Variants in NKAIN3 observed in about 807,000 individuals in gnomAD.
The protein encoded by NKAIN3 is sodium/potassium-transporting ATPase subunit beta-1-interacting protein 3.
A neutral mutation model predicts 30.2 loss-of-function variants in NKAIN3; 25 were observed. The ratio of observed to expected loss-of-function variants is 0.83; its 90% CI spans 0.60 to 1.16. The LOEUF (loss-of-function observed/expected upper bound fraction) is 1.16. Among genes scored for constraint, NKAIN3 ranks in the 50% most tolerant of loss-of-function variants. NKAIN3 has a pLI of 0.00. For synonymous variants in NKAIN3, 91 were observed against 89.6 expected (o/e 1.02, Z -0.09); for missense variants, 225 against 254.1 (o/e 0.89, Z 0.78).
At chr8:62,301,016 A>G (rs933913007) in intron 1 of NKAIN3, among the ~76,000 whole-genome samples, 3 of 152,146 alleles carry the variant, frequency 2.0e-5, no homozygotes, top group Non-Finnish European at 4.4e-5. Flanking sequence ...ACAGAAGACT[A>G]TCAAATCTTC....
At chr8:62,415,469 T>C (rs1421747023) in intron 1 of NKAIN3, among the ~76,000 whole-genome samples, 1 of 149,830 alleles carries the variant, frequency 6.7e-6, no homozygotes, top group African/African-American at 2.4e-5. Flanking sequence ...GCTGAGCATC[T>C]TGGCTTGCCA....
intron 4 of NKAIN3, among the ~76,000 whole-genome samples, chr8:62,871,578 A>G (rs1820647798): frequency 6.6e-6 from 1 of 152,230 alleles, no homozygotes; most frequent in Non-Finnish European, 1.5e-5. Flanking sequence ...TCCAGAACTT[A>G]TTCATTTTAT....
In NKAIN3 at chr8:62,981,845, T is replaced by C. The variant is rs1008073167; in HGVS notation, c.*16438T>C. ...TACATGTACCCTAAAACTTAAAGTA[T>C]AGTAAAAAAAAGAAAAGAAAGAAAA... On this transcript the variant is annotated 3_prime_UTR_variant, in exon 7 of 7. Coordinates refer to ENST00000623646, the MANE Select transcript of NKAIN3 (RefSeq NM_001304533.3). 2.0e-5 allele frequency: 3 copies of C among 151,386 alleles called. No individual in the cohort carries two copies. The highest frequency in any genetic ancestry group is 2.9e-5 in the Non-Finnish European group (2 of 67,894). The allele number at this position is 151,386 out of a possible 1,614,324, so 9.4% of individuals were successfully genotyped here. A position where few individuals can be genotyped will look rare whatever the true frequency, so the allele number is the denominator to read the frequency against.
chr8:62,308,384 G>T (rs1473618630), intron 1 of NKAIN3, among the ~76,000 whole-genome samples: 2 of 150,332 alleles, frequency 1.3e-5, no homozygotes, highest in Admixed American at 1.3e-4. Context: ...TAAGACAGCT[G>T]ATGGGGGACT....
At chr8:62,434,270 A>T (rs573041272) in intron 1 of NKAIN3, among the ~76,000 whole-genome samples, 59 of 152,116 alleles carry the variant, frequency 3.9e-4, no homozygotes, top group Non-Finnish European at 7.2e-4. Context: ...GCATTTAGAC[A>T]CTGCTGCCAT....
intron 1 of NKAIN3, among the ~76,000 whole-genome samples, chr8:62,492,838 A>G (rs1237360875): frequency 6.6e-6 from 1 of 152,028 alleles, no homozygotes; most frequent in Non-Finnish European, 1.5e-5. Context: ...GAATTGTCAC[A>G]TTTCTTTCCA....
intron 3 of NKAIN3, among the ~76,000 whole-genome samples, chr8:62,737,367 CT>C (rs1815708824): frequency 6.6e-6 from 1 of 152,200 alleles, no homozygotes; most frequent in Non-Finnish European, 1.5e-5. Flanking sequence ...TCTCATATCA[CT>C]TTTACAATAA....
At chr8:62,925,914 C>G (rs534720840) in intron 5 of NKAIN3, among the ~76,000 whole-genome samples, 2 of 152,188 alleles carry the variant, frequency 1.3e-5, no homozygotes, top group South Asian at 2.1e-4. Context: ...AATGCCTGCC[C>G]GCTCAGAAGG....
intron 1 of NKAIN3, among the ~76,000 whole-genome samples, chr8:62,511,951 A>T (rs913219452): frequency 1.3e-5 from 2 of 152,154 alleles, no homozygotes; most frequent in Admixed American, 1.3e-4. Context: ...TTTGATTAAT[A>T]TCTGTTTCCC....
intron 4 of NKAIN3, among the ~76,000 whole-genome samples, chr8:62,822,143 C>G (rs1192580643): frequency 6.6e-6 from 1 of 152,084 alleles, no homozygotes; most frequent in African/African-American, 2.4e-5. Context: ...CAAAATGGAG[C>G]ATATTGCCAA....
At chr8:62,800,998 G>T (rs908345246) in intron 4 of NKAIN3, among the ~76,000 whole-genome samples, 1 of 152,310 alleles carries the variant, frequency 6.6e-6, no homozygotes, top group Admixed American at 6.5e-5. Flanking sequence ...CTACACCCAC[G>T]GAGTCTCACT....
intron 5 of NKAIN3, chr8:62,990,240 G>T (rs1324697853): frequency 6.5e-7 from 1 of 1,544,082 alleles, no homozygotes; most frequent in Non-Finnish European, 8.8e-7. Context: ...GCAAGAATTA[G>T]TAAGATATTA....
At chr8:62,569,554 T>G (rs1466623298) in intron 1 of NKAIN3, among the ~76,000 whole-genome samples, 1 of 152,024 alleles carries the variant, frequency 6.6e-6, no homozygotes, top group African/African-American at 2.4e-5. Context: ...GTTGGGCAGA[T>G]TATTTGAGGC....
chr8:62,970,422 T>C lies in NKAIN3; in HGVS notation c.*5015T>C, dbSNP rs114845778. 3.9e-5 allele frequency among the ~76,000 whole-genome samples: 6 copies of C among 152,310 alleles called. No individual in the cohort carries two copies. Among genetic ancestry groups the C allele is most frequent in the African/African-American group, 1.4e-4 (6 of 41,582 alleles). ...GAAGGTGGATACAGCTTCTTAAATA[T>C]TGGTATTTGTAGAAAAATTTGGTGG... On this transcript the variant is annotated 3_prime_UTR_variant, in exon 7 of 7. Coordinates refer to ENST00000623646, the MANE Select transcript of NKAIN3 (RefSeq NM_001304533.3).
intron 3 of NKAIN3, among the ~76,000 whole-genome samples, chr8:62,691,137 C>G (rs1239124190): frequency 6.6e-6 from 1 of 152,054 alleles, no homozygotes; most frequent in Non-Finnish European, 1.5e-5. Flanking sequence ...CAGTGTTTGT[C>G]TTATGAGAAG....
At chr8:62,894,362 T>A (rs1821373281) in intron 4 of NKAIN3, among the ~76,000 whole-genome samples, 1 of 152,190 alleles carries the variant, frequency 6.6e-6, no homozygotes, top group Non-Finnish European at 1.5e-5. Flanking sequence ...AACTGAAAAT[T>A]CAAAATTATC....
rs746522619 is a variant in NKAIN3 at position 62,579,588 on chromosome 8, C to T, written c.104C>T (p.Ala35Val). 5.7e-5 allele frequency: 91 copies of T among 1,609,818 alleles called. No individual in the cohort carries two copies. The highest frequency in any genetic ancestry group is 2.2e-5 in the East Asian group (1 of 44,712). The change falls in exon 2 of 7, where the codon GCG becomes GTG. Residue 35 changes from alanine (A) to valine (V), a missense_variant. Ala to Val is a moderately conservative substitution (Grantham distance 64). Coordinates refer to ENST00000623646, the MANE Select transcript of NKAIN3 (RefSeq NM_001304533.3). ...QIFDFLGFQW[A>V]PILGNFLHII... is the part of the protein sequence containing the mutation. ...TTTGACTTCCTTGGTTTCCAGTGGG[C>T]GCCTATTCTTGGAAATTTTCTACAC...
chr8:62,455,220 A>G (rs1306606652), intron 1 of NKAIN3, among the ~76,000 whole-genome samples: 2 of 152,244 alleles, frequency 1.3e-5, no homozygotes, highest in Admixed American at 6.5e-5. Flanking sequence ...ACGAAAAGAC[A>G]CTTGCATTCA....
At chr8:62,493,839 GT>G (rs901248640) in intron 1 of NKAIN3, among the ~76,000 whole-genome samples, 16 of 152,244 alleles carry the variant, frequency 1.1e-4, no homozygotes, top group African/African-American at 3.6e-4. Context: ...GTCTGTTGGT[GT>G]ATAGGAATGC....
Sources: gnomAD v4.1 joint callset for allele counts (sites outside exome capture counted in the v4.1 genomes callset) on GRCh38, gnomAD v4.1.1 for gene constraint, MANE v1.5 for transcripts, NCBI Gene and HGNC (gene_info 2026-07-23, HGNC 2026-07-21) for gene names.